Variants in UTRN observed in about 807,000 individuals in gnomAD.
UTRN encodes the protein dystrophin-related protein 1.
In UTRN, 283 loss-of-function variants were observed where a neutral mutation model predicts 463.9. That is an observed-to-expected ratio of 0.61 (90% confidence interval 0.55 to 0.67). UTRN has a LOEUF of 0.67. Ranked by LOEUF, UTRN falls within the 30% of genes least tolerant of loss-of-function variation. UTRN has a pLI of 0.00. For missense variants in UTRN, 3,922 were observed against 4,084.3 expected (o/e 0.96, Z 1.08); for synonymous variants, 1,442 against 1,431.5 (o/e 1.01, Z -0.17).
chr6:144,851,157 C>A lies in UTRN; in HGVS notation c.*160C>A, dbSNP rs950505524. Reference sequence around the variant, plus strand: ...ACTGAAAGAGTAAAACACTGACTATCCAAAGAGAAATGGATATTTTGTTTT... The same window carrying A: ...ACTGAAAGAGTAAAACACTGACTATACAAAGAGAAATGGATATTTTGTTTT... On this transcript the variant is annotated 3_prime_UTR_variant, in exon 75 of 75. Transcript: ENST00000367545. The A allele has an allele frequency of 8.1e-6, 7 of 865,842 alleles. No homozygotes were observed. Among genetic ancestry groups the A allele is most frequent in the Non-Finnish European group, 1.3e-5 (7 of 528,838 alleles). 53.6% of individuals were successfully genotyped at this position (865,842 alleles called of 1,614,324 possible). A position where few individuals can be genotyped will look rare whatever the true frequency, so the allele number is the denominator to read the frequency against.
At chr6:144,367,792 C>CT (rs995779517) in intron 2 of UTRN, among the ~76,000 whole-genome samples, 1 of 151,960 alleles carries the variant, frequency 6.6e-6, no homozygotes, top group Admixed American at 6.6e-5. Context: ...GTTTCTTTCT[C>CT]TTTTTTTGAG....
At chr6:144,629,959 G>A (rs1033008417) in intron 51 of UTRN, among the ~76,000 whole-genome samples, 3 of 152,194 alleles carry the variant, frequency 2.0e-5, no homozygotes, top group Non-Finnish European at 4.4e-5. Context: ...GCTGAAGCAG[G>A]CGGATCATGA....
At chr6:144,572,629 T>C (rs139359973) in intron 50 of UTRN, among the ~76,000 whole-genome samples, 2,262 of 152,222 alleles carry the variant, frequency 0.015, 65 homozygotes, top group African/African-American at 0.052. Flanking sequence ...CTCCCACTTA[T>C]AAGTGAGAAC....
rs966377640 is a variant in UTRN, at chr6:144,516,917, T to A, written c.5510T>A (p.Leu1837Ter). ...AAAGAAAAGATCCGTTTGCAATTATTACTTTTGCATACTAGATACAACAAA... is the reference window on the plus strand; with the variant it reads ...AAAGAAAAGATCCGTTTGCAATTATAACTTTTGCATACTAGATACAACAAA... ...NKKEKIRLQL[L>*]LLHTRYNKIK... Residue 1837 changes from leucine (L) to a stop codon, truncating the protein, a stop_gained, in exon 39 of 75, where the codon TTA (leucine) becomes TAA (stop). Coordinates refer to ENST00000367545, the MANE Select transcript of UTRN (RefSeq NM_007124.3). LOFTEE classifies it high-confidence loss of function. The A allele has an allele frequency of 1.3e-6, 2 of 1,488,126 alleles. No homozygotes were observed. The highest frequency in any genetic ancestry group is 1.8e-6 in the Non-Finnish European group (2 of 1,122,868). 92.2% of individuals were successfully genotyped at this position (1,488,126 alleles called of 1,614,324 possible).
intron 52 of UTRN, among the ~76,000 whole-genome samples, chr6:144,688,298 G>A (rs911783623): frequency 1.8e-4 from 27 of 151,698 alleles, no homozygotes; most frequent in Admixed American, 1.7e-3. Flanking sequence ...TCTTTATGTT[G>A]TTTTTCACTT....
chr6:144,471,530 C>T (rs2128567902), intron 23 of UTRN, among the ~76,000 whole-genome samples: 1 of 152,348 alleles, frequency 6.6e-6, no homozygotes, highest in East Asian at 1.9e-4. Context: ...TTTATGAACT[C>T]TGTGAATGTA....
intron 2 of UTRN, among the ~76,000 whole-genome samples, chr6:144,364,998 T>C (rs552453198): frequency 9.9e-5 from 15 of 152,236 alleles, no homozygotes; most frequent in Non-Finnish European, 1.9e-4. Flanking sequence ...GTCAGTTGAT[T>C]AGCAAACAAT....
intron 54 of UTRN, among the ~76,000 whole-genome samples, chr6:144,741,440 G>T (rs1399145898): frequency 1.3e-5 from 2 of 152,164 alleles, no homozygotes; most frequent in African/African-American, 4.8e-5. Context: ...ATTGTACAGA[G>T]ATTGATTTAT....
intron 52 of UTRN, among the ~76,000 whole-genome samples, chr6:144,699,164 G>A (rs182156701): frequency 6.6e-6 from 1 of 152,098 alleles, no homozygotes; most frequent in Non-Finnish European, 1.5e-5. Context: ...TCAAGACCAG[G>A]CGCGGTGGCT....
chr6:144,780,689 C>T (rs997992331), intron 60 of UTRN, among the ~76,000 whole-genome samples: 3 of 152,214 alleles, frequency 2.0e-5, no homozygotes, highest in African/African-American at 4.8e-5. Context: ...ACTCCTCCTT[C>T]GGGCCTTTGC....
intron 54 of UTRN, among the ~76,000 whole-genome samples, chr6:144,734,187 G>C (rs1275864000): frequency 1.3e-5 from 2 of 151,892 alleles, no homozygotes; most frequent in Non-Finnish European, 2.9e-5. Flanking sequence ...CATGTACCCC[G>C]TAAATATGTA....
chr6:144,685,050 C>T (rs904145803), intron 52 of UTRN, among the ~76,000 whole-genome samples: 3 of 152,098 alleles, frequency 2.0e-5, no homozygotes, highest in Non-Finnish European at 4.4e-5. Context: ...ACCTCTGAGT[C>T]TCATATGTCC....
chr6:144,434,332 G>A lies in UTRN; in HGVS notation c.856-1603G>A, dbSNP rs1321792766. 2.7e-5 allele frequency among the ~76,000 whole-genome samples: 4 copies of A among 150,048 alleles called. No individual in the cohort carries two copies. The East Asian group carries it at 7.9e-4, about 30-fold the overall frequency. ...CGGCTCGGCATCAGAGGGAGACCGT[G>A]GAAAGAGGGGAGGGGGAGGGGGAGG... On this transcript the variant is annotated intron_variant, in intron 9 of 74. Coordinates refer to ENST00000367545, the MANE Select transcript of UTRN (RefSeq NM_007124.3).
At chr6:144,541,866 G>A (rs896893220) in intron 45 of UTRN, among the ~76,000 whole-genome samples, 1 of 152,192 alleles carries the variant, frequency 6.6e-6, no homozygotes, top group Non-Finnish European at 1.5e-5. Flanking sequence ...TTGGTCGGGT[G>A]AAGAATGAGG....
chr6:144,434,028 G>A (rs6570629), intron 9 of UTRN, among the ~76,000 whole-genome samples: 7,996 of 152,210 alleles, frequency 0.053, 657 homozygotes, highest in African/African-American at 0.17. Context: ...CCGAGATCAC[G>A]CCACTGCACT....
At chr6:144,810,351 A>G (rs1174912994) in intron 65 of UTRN, among the ~76,000 whole-genome samples, 2 of 152,184 alleles carry the variant, frequency 1.3e-5, no homozygotes, top group Non-Finnish European at 2.9e-5. Flanking sequence ...AAAAGAGATT[A>G]TACAGCCACA....
chr6:144,423,723 C>G, intron 5 of UTRN, 97 bp downstream of exon 5: 1 of 1,391,058 alleles, frequency 7.2e-7, no homozygotes, highest in Non-Finnish European at 1.0e-6. Context: ...TCCACTGATT[C>G]TTGCAAACAT....
chr6:144,533,047 TATTAGTGAAACTA>T lies in UTRN; in HGVS notation c.6058-35_6058-23del, dbSNP rs748578463. 14 of 1,167,396 alleles carry T rather than the reference TATTAGTGAAACTA, an allele frequency of 1.2e-5. No individual in the cohort carries two copies. The South Asian group carries it at 1.8e-4, about 15-fold the overall frequency. The allele number at this position is 1,167,396 out of a possible 1,614,324, so 72.3% of individuals were successfully genotyped here. On this transcript the variant is annotated intron_variant, in intron 42 of 74. Transcript: ENST00000367545. ...ATTCATTGCATCAGAATCATTTACT[TATTAGTGAAACTA>T]ATCTTGAGTTGTGCTCTGTTACAGG...
intron 45 of UTRN, among the ~76,000 whole-genome samples, chr6:144,541,372 G>C (rs373946674): frequency 1.2e-4 from 18 of 152,268 alleles, no homozygotes; most frequent in African/African-American, 4.3e-4. Flanking sequence ...AACACAAAGG[G>C]TATCAGTGGG....
Sources: allele counts gnomAD v4.1 joint callset (sites outside exome capture counted in the v4.1 genomes callset), GRCh38; gene constraint gnomAD v4.1.1; transcripts MANE v1.5; gene names NCBI Gene and HGNC (gene_info 2026-07-23, HGNC 2026-07-21).